Variants in SLC25A41 observed in about 807,000 individuals in gnomAD.
SLC25A41 encodes solute carrier family 25 member 41.
SLC25A41 carries 35 observed loss-of-function variants against 34.7 expected under a neutral mutation model. The observed-to-expected ratio is 1.01, with a 90% CI of 0.77 to 1.34. SLC25A41 has a LOEUF of 1.34. SLC25A41 is among the 40% of genes most tolerant of loss of function. The pLI is 0.00. For synonymous variants in SLC25A41, 190 were observed against 209.9 expected (o/e 0.91, Z 0.82); for missense variants, 492 against 489.8 (o/e 1.00, Z -0.04).
At chr19:6,426,646 G>T in intron 6 of SLC25A41, 85 bp from the exon 7 acceptor site, 1 of 1,503,980 alleles carries the variant, frequency 6.6e-7, no homozygotes, top group Non-Finnish European at 9.0e-7. Context: ...AGGTGCTGAA[G>T]CCACGGGTAG....
chr19:6,429,080 TATATTATATATATGTTAC>T lies in SLC25A41; in HGVS notation c.624+626_624+643del, dbSNP rs1202708720. ...ATATGTTATATATATATATAATATATATATTATATATATGTTACATATATATATAATATATATATTATA... is the reference window on the plus strand; with the variant it reads ...ATATGTTATATATATATATAATATATATATATATATAATATATATATTATA... On this transcript the variant is annotated intron_variant, in intron 4 of 6. Coordinates refer to ENST00000321510, the MANE Select transcript of SLC25A41 (RefSeq NM_173637.4). Among the ~76,000 whole-genome samples the T allele has an allele frequency of 3.1e-3, 161 of 52,252 alleles. 25 individuals carry two copies. Among genetic ancestry groups the T allele is most frequent in the African/African-American group, 0.018 (160 of 8,690 alleles). The allele number at this position is 52,252 out of a possible 152,430, so 34.3% of individuals were successfully genotyped here.
At chr19:6,431,361 G>GCCTCAGCCT (rs1454469059) in intron 2 of SLC25A41, among the ~76,000 whole-genome samples, 1 of 151,760 alleles carries the variant, frequency 6.6e-6, no homozygotes, top group African/African-American at 2.4e-5. Flanking sequence ...CAATCCTCCT[G>GCCTCAGCCT]CCTCAGCCTC....
At chr19:6,433,391 T>C (rs1053696885) in intron 1 of SLC25A41, 96 bp downstream of exon 1, 214 of 1,261,370 alleles carry the variant, frequency 1.7e-4, no homozygotes, top group Non-Finnish European at 2.2e-4. Context: ...CTAGGTCCGC[T>C]AGCAGGGGAG....
rs768520810 is a variant in SLC25A41, at chr19:6,426,481, G to C, written c.1021C>G (p.Arg341Gly). ...LAQQGWLGLY[R>G]GMTPTLLKVL... The stretch of plus-strand genomic sequence containing the variant: ...TTCAGTAGCGTGGGGGTCATGCCTC[G>C]GTACAGCCCTAGCCAGCCCTGCTGG... Residue 341 changes from arginine (R) to glycine (G), a missense_variant, in exon 7 of 7, where the codon CGA (arginine) becomes GGA (glycine). Arg to Gly is a moderately radical substitution (Grantham distance 125). Transcript: ENST00000321510. 1.2e-5 allele frequency: 19 copies of C among 1,613,554 alleles called. No individual in the cohort carries two copies. Among genetic ancestry groups the C allele is most frequent in the Middle Eastern group, 1.6e-4 (1 of 6,084 alleles).
chr19:6,426,355 A>G lies in SLC25A41; in HGVS notation c.*34T>C, dbSNP rs1357397610. On this transcript the variant is annotated 3_prime_UTR_variant, in exon 7 of 7. Transcript: ENST00000321510. ...AGGGGTCATCAGGTCCTCCTGTCCC[A>G]TTTCTGCCTAGGCTGTGTCGTCCAG... 6.3e-7 allele frequency: 1 copy of G among 1,583,630 alleles called. No individual in the cohort carries two copies. The highest frequency in any genetic ancestry group is 1.4e-5 in the African/African-American group (1 of 72,918).
chr19:6,429,367 A>AG (rs2092270609), intron 4 of SLC25A41, among the ~76,000 whole-genome samples: 5 of 1,402 alleles, frequency 3.6e-3, no homozygotes, highest in Non-Finnish European at 5.1e-3. Context: ...AGAAAGGAGG[A>AG]GGGAGAAAGG....
Position 6,429,044 on chromosome 19 carries a change from ATATATTATATATATGTTAT to A in SLC25A41, c.624+661_624+679del, listed in dbSNP as rs2092259245. Among the ~76,000 whole-genome samples the A allele has an allele frequency of 4.0e-5, 2 of 49,896 alleles. 1 individual carries two copies. The highest frequency in any genetic ancestry group is 2.7e-4 in the African/African-American group (2 of 7,314). 32.7% of individuals were successfully genotyped at this position (49,896 alleles called of 152,430 possible). ...AAATTTATATATATATATATAATAT[ATATATTATATATATGTTAT>A]ATATATATATAATATATATATTATA... On this transcript the variant is annotated intron_variant, in intron 4 of 6. Coordinates refer to ENST00000321510, the MANE Select transcript of SLC25A41 (RefSeq NM_173637.4).
In SLC25A41 at chr19:6,432,034, C is replaced by G. The variant is rs376053870; in HGVS notation, c.363+15G>C. On this transcript the variant is annotated intron_variant, in intron 2 of 6. Coordinates refer to ENST00000321510, the MANE Select transcript of SLC25A41 (RefSeq NM_173637.4). ...TCCAGCGCTGGGTCCCGTCCTCCCCCCAACCCACACAAACCTGCATGTACA... is the reference window on the plus strand; with the variant it reads ...TCCAGCGCTGGGTCCCGTCCTCCCCGCAACCCACACAAACCTGCATGTACA... 1.9e-5 allele frequency: 31 copies of G among 1,604,918 alleles called. No individual in the cohort carries two copies. In the East Asian group the frequency reaches 2.2e-4, roughly 12 times the overall value.
At chr19:6,429,084 TTATATATATGTTACA>T (rs1374563156) in intron 4 of SLC25A41, among the ~76,000 whole-genome samples, 22 of 47,044 alleles carry the variant, frequency 4.7e-4, no homozygotes, top group African/African-American at 2.9e-3. Context: ...AATATATATA[TTATATATATGTTACA>T]TATATATATA....
rs569802526 is a variant in SLC25A41 at position 6,427,550 on chromosome 19, T to C, written c.625-49A>G. 1.4e-6 allele frequency: 2 copies of C among 1,452,662 alleles called. No individual in the cohort carries two copies. Among genetic ancestry groups the C allele is most frequent in the African/African-American group, 2.8e-5 (2 of 70,468 alleles). 90.0% of individuals were successfully genotyped at this position (1,452,662 alleles called of 1,614,324 possible). On this transcript the variant is annotated intron_variant, in intron 4 of 6. Transcript: ENST00000321510. This position sits in a 1 kb window ranked among gnomAD's most constrained non-coding sequence, Gnocchi z 4.9. ...AGCTCATTTGATTGAATCCTGTCAA[T>C]GACCCTCGGGGTAGCCATTGTCCCC...
chr19:6,433,021 A>G (rs1211555337), intron 1 of SLC25A41, among the ~76,000 whole-genome samples: 1 of 151,960 alleles, frequency 6.6e-6, no homozygotes, highest in Admixed American at 6.6e-5. Context: ...AGGAATACAA[A>G]TGTAATTAGG....
At chr19:6,428,074 G>A (rs929646392) in intron 4 of SLC25A41, among the ~76,000 whole-genome samples, 5 of 152,046 alleles carry the variant, frequency 3.3e-5, no homozygotes, top group Non-Finnish European at 5.9e-5. Flanking sequence ...TACAATGGTG[G>A]ATACAAGTCA....
chr19:6,427,359 G>T lies in SLC25A41; in HGVS notation c.767C>A (p.Ala256Asp). ...CTCATAGACAGCCAGGTCGGTGCAG[G>T]CATAGGGGATGATGCCGAGCATATT... ...LPNMLGIIPY[A>D]CTDLAVYEML... Residue 256 changes from alanine (A) to aspartate (D), a missense_variant, in exon 5 of 7, where the codon GCC becomes GAC. Ala to Asp is a moderately radical substitution (Grantham distance 126). Transcript: ENST00000321510. This position sits in a 1 kb window ranked among gnomAD's most constrained non-coding sequence, Gnocchi z 4.9. 6.2e-7 allele frequency: 1 copy of T among 1,610,198 alleles called. No individual in the cohort carries two copies. The highest frequency in any genetic ancestry group is 1.1e-5 in the South Asian group (1 of 90,780).
At chr19:6,428,927 G>C (rs898526030) in intron 4 of SLC25A41, among the ~76,000 whole-genome samples, 4 of 136,708 alleles carry the variant, frequency 2.9e-5, no homozygotes, top group African/African-American at 8.1e-5. Flanking sequence ...GCCCAGGCTG[G>C]TCTCAAACTC....
intron 2 of SLC25A41, among the ~76,000 whole-genome samples, chr19:6,431,848 C>G (rs2092286712): frequency 6.6e-6 from 1 of 152,102 alleles, no homozygotes; most frequent in African/African-American, 2.4e-5. Flanking sequence ...GTTCTCTCAA[C>G]TCCTCAAACT....
At chr19:6,432,678 T>A in intron 1 of SLC25A41, among the ~76,000 whole-genome samples, 1 of 150,874 alleles carries the variant, frequency 6.6e-6, no homozygotes. Context: ...GCAACCGCTG[T>A]CCCCCTGGTT....
At chr19:6,431,059 TC>T (rs1409772876) in intron 2 of SLC25A41, among the ~76,000 whole-genome samples, 8 of 151,598 alleles carry the variant, frequency 5.3e-5, no homozygotes, top group Non-Finnish European at 1.0e-4. Flanking sequence ...CAAGCGATCT[TC>T]CCACTTTGGC....
upstream of SLC25A41, chr19:6,433,812 A>G: frequency 2.4e-6 from 2 of 844,814 alleles, no homozygotes; most frequent in Non-Finnish European, 3.5e-6. Flanking sequence ...TGAAGTCACA[A>G]ACGCCCCTGT....
At chr19:6,430,360 C>T (rs950926821) in intron 2 of SLC25A41, among the ~76,000 whole-genome samples, 199 bp from the exon 3 acceptor site, 1 of 152,096 alleles carries the variant, frequency 6.6e-6, no homozygotes, top group African/African-American at 2.4e-5. Context: ...CAACATCAAC[C>T]TACATTCCCA....
Sources: gnomAD v4.1 joint callset for allele counts (sites outside exome capture counted in the v4.1 genomes callset) on GRCh38, gnomAD v4.1.1 for gene constraint, Gnocchi (gnomAD v3.1) non-coding constraint, MANE v1.5 for transcripts, NCBI Gene and HGNC (gene_info 2026-07-23, HGNC 2026-07-21) for gene names.